The following AGBL4 variants were observed in gnomAD, a reference collection of about 807,000 sequenced individuals.
The protein encoded by AGBL4 is cytosolic carboxypeptidase 6.
Under a neutral mutation model 66.4 loss-of-function variants are expected in AGBL4, and 58 were observed. That is an observed-to-expected ratio of 0.87 (90% CI 0.71 to 1.09). The LOEUF (loss-of-function observed/expected upper bound fraction) is 1.09, where lower values mean the gene tolerates loss of function less well. AGBL4 is among the 50% of genes least tolerant of loss of function. The pLI, the probability that AGBL4 is intolerant of heterozygous loss-of-function variation, is 0.00. For synonymous variants in AGBL4, 234 were observed against 222.9 expected (o/e 1.05, Z -0.44); for missense variants, 579 against 631.0 (o/e 0.92, Z 0.88).
At chr1:49,278,693 G>T (rs1239438695) in intron 3 of AGBL4, among the ~76,000 whole-genome samples, 1 of 152,062 alleles carries the variant, frequency 6.6e-6, no homozygotes, top group Non-Finnish European at 1.5e-5. Flanking sequence ...ATTGAATTTT[G>T]TTGCTGGCGT....
intron 1 of AGBL4, among the ~76,000 whole-genome samples, chr1:49,898,333 A>C (rs1336390513): frequency 2.0e-5 from 3 of 152,192 alleles, no homozygotes; most frequent in Admixed American, 2.0e-4. Context: ...TCAAAAGAAG[A>C]CATACAAATG....
intron 1 of AGBL4, among the ~76,000 whole-genome samples, chr1:49,990,405 A>G (rs191710524): frequency 1.3e-5 from 2 of 152,202 alleles, no homozygotes. Flanking sequence ...TTTGGCCACA[A>G]GTTCTTCTTT....
At chr1:49,551,795 C>G (rs1221026997) in intron 3 of AGBL4, among the ~76,000 whole-genome samples, 2 of 152,178 alleles carry the variant, frequency 1.3e-5, no homozygotes, top group East Asian at 3.8e-4. Flanking sequence ...GTAGTGCTGT[C>G]CAGAGAGCAT....
At chr1:50,009,152 T>C (rs1038322756) in intron 1 of AGBL4, among the ~76,000 whole-genome samples, 2 of 152,118 alleles carry the variant, frequency 1.3e-5, no homozygotes, top group Non-Finnish European at 2.9e-5. Flanking sequence ...GAGGCCAGTA[T>C]TACCCTGATA....
intron 2 of AGBL4, among the ~76,000 whole-genome samples, chr1:49,758,125 A>C (rs377142540): frequency 8.5e-5 from 13 of 152,166 alleles, no homozygotes; most frequent in African/African-American, 2.9e-4. Flanking sequence ...CTATGGCTTC[A>C]AAAGGTGCAA....
intron 3 of AGBL4, among the ~76,000 whole-genome samples, chr1:49,255,259 A>G (rs1198824757): frequency 6.6e-6 from 1 of 152,166 alleles, no homozygotes; most frequent in Admixed American, 6.6e-5. Context: ...AAATTTGCAA[A>G]CTATCAGTCT....
At chr1:48,866,459 C>T (rs1342205228) in intron 6 of AGBL4, among the ~76,000 whole-genome samples, 3 of 152,140 alleles carry the variant, frequency 2.0e-5, no homozygotes, top group Admixed American at 6.5e-5. Flanking sequence ...GAATATCACC[C>T]ATGGATGAAG....
chr1:48,978,615 G>A (rs756076300), intron 5 of AGBL4, among the ~76,000 whole-genome samples: 1 of 152,054 alleles, frequency 6.6e-6, no homozygotes, highest in Non-Finnish European at 1.5e-5. Context: ...AATGCTTCCG[G>A]TGATAACAGC....
At chr1:49,369,594 T>A (rs1356014958) in intron 3 of AGBL4, among the ~76,000 whole-genome samples, 1 of 152,142 alleles carries the variant, frequency 6.6e-6, no homozygotes, top group Admixed American at 6.5e-5. Context: ...GGGATCCTTC[T>A]GAGTTGAGAA....
chr1:49,575,624 A>G (rs1338054504), intron 3 of AGBL4, among the ~76,000 whole-genome samples: 1 of 152,242 alleles, frequency 6.6e-6, no homozygotes, highest in Non-Finnish European at 1.5e-5. Context: ...ACAGTGGATT[A>G]TTATAAGCTT....
intron 3 of AGBL4, among the ~76,000 whole-genome samples, chr1:49,529,626 G>A (rs1650938640): frequency 6.6e-6 from 1 of 152,110 alleles, no homozygotes; most frequent in Non-Finnish European, 1.5e-5. Context: ...GCAGGGAGCT[G>A]AGATTGTGCC....
chr1:48,740,931 T>C (rs997933581), intron 6 of AGBL4, among the ~76,000 whole-genome samples: 2 of 152,242 alleles, frequency 1.3e-5, no homozygotes, highest in South Asian at 2.1e-4. Flanking sequence ...GTTAGTCTTA[T>C]AGCAACATGC....
chr1:49,732,306 G>A (rs190911242), intron 2 of AGBL4, among the ~76,000 whole-genome samples: 28 of 151,972 alleles, frequency 1.8e-4, no homozygotes, highest in African/African-American at 5.5e-4. Flanking sequence ...AAATAAAAAA[G>A]GTCTAGCAGA....
Position 48,587,158 on chromosome 1 carries a change from T to A in AGBL4, c.1113A>T (p.Thr371=). The part of the protein sequence containing the change: ...QNAEDFSYSS[T]SFNRDAVKAG... ...CTTTCACAGCGTCCCGGTTAAAGGA[T>A]GTGCTGGACTGTGAAAGACAGAGTA... The change falls in exon 11 of 14, where the codon ACA becomes ACT. Residue 371 remains threonine, a synonymous_variant. Transcript: ENST00000371839. 1 of 1,552,014 alleles carries A rather than the reference T, an allele frequency of 6.4e-7. No homozygotes were observed. The highest frequency in any genetic ancestry group is 8.7e-7 in the Non-Finnish European group (1 of 1,147,408).
intron 5 of AGBL4, among the ~76,000 whole-genome samples, chr1:48,915,072 A>G (rs1180168445): frequency 6.6e-6 from 1 of 152,120 alleles, no homozygotes; most frequent in Non-Finnish European, 1.5e-5. Flanking sequence ...TTTCTGTTTT[A>G]CTTATTTGTT....
intron 9 of AGBL4, among the ~76,000 whole-genome samples, chr1:48,610,922 G>T (rs1386613389): frequency 2.0e-5 from 3 of 152,186 alleles, no homozygotes; most frequent in African/African-American, 4.8e-5. Context: ...CATTCAATAT[G>T]GTTGAGGACA....
chr1:49,803,893 T>C (rs1284533244), intron 2 of AGBL4, among the ~76,000 whole-genome samples: 1 of 152,202 alleles, frequency 6.6e-6, no homozygotes, highest in African/African-American at 2.4e-5. Context: ...GTTTGATGTT[T>C]CTTTGAAATA....
chr1:49,550,960 T>C (rs1253602786), intron 3 of AGBL4, among the ~76,000 whole-genome samples: 1 of 152,132 alleles, frequency 6.6e-6, no homozygotes, highest in Non-Finnish European at 1.5e-5. Flanking sequence ...TCATTTAACA[T>C]AATCCCAGAC....
chr1:49,495,924 T>C (rs1324508601), intron 3 of AGBL4, among the ~76,000 whole-genome samples: 5 of 152,046 alleles, frequency 3.3e-5, no homozygotes, highest in Admixed American at 2.6e-4. Context: ...CCTTAATTTA[T>C]TCATCTGTAA....
Sources: gnomAD v4.1 joint callset for allele counts (sites outside exome capture counted in the v4.1 genomes callset) on GRCh38, gnomAD v4.1.1 for gene constraint, MANE v1.5 for transcripts, NCBI Gene and HGNC (gene_info 2026-07-23, HGNC 2026-07-21) for gene names.